Variants in TMEM132B observed in about 807,000 individuals in gnomAD.
The protein encoded by TMEM132B is transmembrane protein 132B.
In TMEM132B, 18 loss-of-function variants were observed where a neutral mutation model predicts 90.8. The ratio of observed to expected loss-of-function variants is 0.20; its 90% CI spans 0.14 to 0.29. TMEM132B has a LOEUF of 0.29. Among genes scored for constraint, TMEM132B ranks in the 10% least tolerant of loss-of-function variants. The pLI, the probability that TMEM132B is intolerant of heterozygous loss-of-function variation, is 1.00. For missense variants in TMEM132B, 1,096 were observed against 1,326.8 expected (o/e 0.83, Z 2.70); for synonymous variants, 504 against 523.3 (o/e 0.96, Z 0.50).
chr12:125,369,370 C>T (rs964631711), intron 2 of TMEM132B, among the ~76,000 whole-genome samples: 5 of 152,118 alleles, frequency 3.3e-5, no homozygotes. Flanking sequence ...GATTTATAAT[C>T]CTTTGGGTAT....
chr12:125,462,654 G>A (rs1280288719), intron 3 of TMEM132B, among the ~76,000 whole-genome samples: 1 of 152,124 alleles, frequency 6.6e-6, no homozygotes, highest in Non-Finnish European at 1.5e-5. Flanking sequence ...CTGGACTATG[G>A]GCTGGTTGAA....
intron 3 of TMEM132B, 128 bp from the exon 4 acceptor site, chr12:125,519,311 G>A (rs552494272): frequency 5.7e-5 from 54 of 950,146 alleles, no homozygotes; most frequent in African/African-American, 3.3e-4. Flanking sequence ...CAACACTGCC[G>A]TGTGAGTTGT....
intron 1 of TMEM132B, among the ~76,000 whole-genome samples, chr12:125,281,965 T>C (rs1240564849): frequency 7.6e-6 from 1 of 130,922 alleles, no homozygotes; most frequent in Non-Finnish European, 1.5e-5. Context: ...GAGGCGGAGG[T>C]TGCAGTGAGC....
intron 2 of TMEM132B, among the ~76,000 whole-genome samples, chr12:125,380,554 A>T (rs1002772639): frequency 1.3e-5 from 2 of 152,198 alleles, no homozygotes; most frequent in African/African-American, 2.4e-5. Context: ...CAAGCACGTC[A>T]TTGGAGTGGG....
chr12:125,528,221 G>A (rs1043282546), intron 4 of TMEM132B, among the ~76,000 whole-genome samples: 2 of 151,824 alleles, frequency 1.3e-5, no homozygotes, highest in African/African-American at 4.9e-5. Flanking sequence ...CAATTACTGA[G>A]CTTTGAGCTT....
At chr12:125,627,319 C>G (rs1886256772) in intron 5 of TMEM132B, among the ~76,000 whole-genome samples, 1 of 151,662 alleles carries the variant, frequency 6.6e-6, no homozygotes, top group African/African-American at 2.4e-5. Flanking sequence ...TTTTTTCTCC[C>G]TGGGGGTGTG....
At chr12:125,494,794 C>T (rs1882492993) in intron 3 of TMEM132B, among the ~76,000 whole-genome samples, 2 of 104,946 alleles carry the variant, frequency 1.9e-5, no homozygotes, top group South Asian at 9.1e-4. Flanking sequence ...CCCCTCTTCC[C>T]CCTCCTCCCT....
chr12:125,549,120 T>A (rs1314319223), intron 4 of TMEM132B, among the ~76,000 whole-genome samples: 1 of 152,252 alleles, frequency 6.6e-6, no homozygotes, highest in Non-Finnish European at 1.5e-5. Context: ...ATAAGCTACA[T>A]CTGAAAATGT....
intron 4 of TMEM132B, among the ~76,000 whole-genome samples, chr12:125,534,758 C>G (rs765101170): frequency 2.0e-5 from 3 of 151,802 alleles, no homozygotes; most frequent in Non-Finnish European, 4.4e-5. Context: ...ATAGTTACAT[C>G]CGCTCTTTCA....
chr12:125,258,249 C>G (rs944248178), intron 1 of TMEM132B, among the ~76,000 whole-genome samples: 1 of 152,170 alleles, frequency 6.6e-6, no homozygotes, highest in African/African-American at 2.4e-5. Flanking sequence ...TTACCCCAAA[C>G]CTAGTGTCTT....
intron 4 of TMEM132B, among the ~76,000 whole-genome samples, chr12:125,533,901 T>C (rs528403008): frequency 6.6e-6 from 1 of 152,352 alleles, no homozygotes; most frequent in African/African-American, 2.4e-5. Flanking sequence ...GCATGCTCAT[T>C]ATAACATTTT....
chr12:125,291,007 A>G (rs1282246527), intron 1 of TMEM132B, among the ~76,000 whole-genome samples: 1 of 151,818 alleles, frequency 6.6e-6, no homozygotes, highest in African/African-American at 2.4e-5. Context: ...CATACCACTT[A>G]ATCCTTCCCC....
chr12:125,258,388 T>C (rs1212873752), intron 1 of TMEM132B, among the ~76,000 whole-genome samples: 1 of 152,224 alleles, frequency 6.6e-6, no homozygotes, highest in Non-Finnish European at 1.5e-5. Context: ...TGGTGGTGAC[T>C]CAATAGCTAG....
rs549828825 is a variant in TMEM132B, at chr12:125,294,519, A to G, written c.68-54933A>G. ...AACCTAGTTTTCCAATGATGGGGAC[A>G]TGGTTCCTTGATAAAATAATTATGG... On this transcript the variant is annotated intron_variant, in intron 1 of 8. Transcript: ENST00000682704. Among the ~76,000 whole-genome samples the G allele has an allele frequency of 3.3e-5, 5 of 152,368 alleles. 1 individual carries two copies. The South Asian group carries it at 1.0e-3, about 32-fold the overall frequency.
At chr12:125,572,471 T>G (rs986414911) in intron 4 of TMEM132B, among the ~76,000 whole-genome samples, 8 of 152,264 alleles carry the variant, frequency 5.3e-5, no homozygotes, top group African/African-American at 2.4e-5. Flanking sequence ...CCTCACCAGA[T>G]GCTGATGCCT....
intron 1 of TMEM132B, among the ~76,000 whole-genome samples, chr12:125,326,262 C>T (rs1166270912): frequency 6.6e-6 from 1 of 152,230 alleles, no homozygotes; most frequent in Non-Finnish European, 1.5e-5. Context: ...CTGAGGAGCT[C>T]AGCACTTGTC....
chr12:125,597,606 A>AT (rs1368109655), intron 5 of TMEM132B, among the ~76,000 whole-genome samples: 3 of 152,130 alleles, frequency 2.0e-5, no homozygotes, highest in Non-Finnish European at 4.4e-5. Context: ...TTCATGAGTG[A>AT]TTTTTTCATT....
intron 3 of TMEM132B, among the ~76,000 whole-genome samples, chr12:125,447,427 A>C (rs1881036485): frequency 6.6e-6 from 1 of 152,182 alleles, no homozygotes; most frequent in Non-Finnish European, 1.5e-5. Context: ...ATATTATTTG[A>C]TAACTTTACC....
At chr12:125,247,287 T>A (rs1427611196) in intron 1 of TMEM132B, among the ~76,000 whole-genome samples, 2 of 152,240 alleles carry the variant, frequency 1.3e-5, no homozygotes, top group Non-Finnish European at 2.9e-5. Context: ...AGCTCCATTC[T>A]GTCTGCTTTT....
Sources: gnomAD v4.1 joint callset for allele counts (sites outside exome capture counted in the v4.1 genomes callset) on GRCh38, gnomAD v4.1.1 for gene constraint, MANE v1.5 for transcripts, NCBI Gene and HGNC (gene_info 2026-07-23, HGNC 2026-07-21) for gene names.